Variants in EPHA3 observed in about 807,000 individuals in gnomAD.
EPHA3 encodes the protein ephrin type-A receptor 3.
EPHA3 carries 42 observed loss-of-function variants against 107.1 expected under a neutral mutation model. The observed-to-expected ratio is 0.39, with a 90% CI of 0.31 to 0.51. EPHA3 has a LOEUF of 0.51. EPHA3 is among the 20% of genes least tolerant of loss of function. The pLI is 0.78. For missense variants in EPHA3, 1,183 were observed against 1,211.2 expected, an observed-to-expected ratio of 0.98 and a Z score of 0.35; for synonymous variants, 461 against 424.8, an observed-to-expected ratio of 1.09 and a Z score of -1.05.
chr3:89,296,615 G>A (rs1451143570), intron 3 of EPHA3, among the ~76,000 whole-genome samples: 5 of 152,018 alleles, frequency 3.3e-5, no homozygotes, highest in South Asian at 2.1e-4. Context: ...AATTATTAAG[G>A]GCCCTTGGAT....
intron 10 of EPHA3, among the ~76,000 whole-genome samples, chr3:89,415,876 T>C (rs968847661): frequency 2.0e-5 from 3 of 151,532 alleles, no homozygotes; most frequent in African/African-American, 7.2e-5. Flanking sequence ...TAGACTTGTT[T>C]GGATCAAATG....
rs766652795 is a variant in EPHA3 at position 89,399,360 on chromosome 3, A to C, written c.1474A>C (p.Thr492Pro). The C allele has an allele frequency of 2.9e-5, 47 of 1,613,828 alleles. No individual in the cohort carries two copies. The highest frequency in any genetic ancestry group is 3.9e-5 in the Non-Finnish European group (46 of 1,179,880). The change falls in exon 7 of 17, where the codon ACA becomes CCA. Residue 492 changes from threonine to proline, a missense_variant. By Grantham distance (38) the Thr-to-Pro change is conservative (BLOSUM62 -1). Coordinates refer to ENST00000336596, the MANE Select transcript of EPHA3 (RefSeq NM_005233.6). ...TSYTILRARGTNVTISSLKPD... is the reference protein window; with the variant it reads ...TSYTILRARGPNVTISSLKPD... ...TTATACCATTCTGAGGGCAAGAGGC[A>C]CAAATGTTACCATCAGTAGCCTCAA...
chr3:89,329,479 A>G (rs1707243096), intron 3 of EPHA3, among the ~76,000 whole-genome samples: 1 of 152,122 alleles, frequency 6.6e-6, no homozygotes, highest in Non-Finnish European at 1.5e-5. Context: ...TAAGCAATCC[A>G]TCTTAATATT....
chr3:89,306,271 C>T (rs1453158678), intron 3 of EPHA3, among the ~76,000 whole-genome samples: 1 of 152,088 alleles, frequency 6.6e-6, no homozygotes, highest in Non-Finnish European at 1.5e-5. Flanking sequence ...CACCAGAATT[C>T]TAACTGAAGT....
In EPHA3 at chr3:89,417,761, T is replaced by C. The variant is rs180712084; in HGVS notation, c.1889-1444T>C. Among the ~76,000 whole-genome samples, 637 of 151,624 alleles carry C rather than the reference T, an allele frequency of 4.2e-3. 1 individual carries two copies. Among genetic ancestry groups the C allele is most frequent in the Non-Finnish European group, 6.2e-3 (420 of 67,644 alleles). Reference sequence around the variant, plus strand: ...TCAAAGGGAATAAACTAGTCCTGTCTTGTTTACCATTATATCTATCTCTGT... The same window carrying C: ...TCAAAGGGAATAAACTAGTCCTGTCCTGTTTACCATTATATCTATCTCTGT... On this transcript the variant is annotated intron_variant, in intron 10 of 16. Coordinates refer to ENST00000336596, the MANE Select transcript of EPHA3 (RefSeq NM_005233.6).
chr3:89,202,532 AAAATATATATAT>A (rs1705997684), intron 2 of EPHA3, among the ~76,000 whole-genome samples: 2 of 25,500 alleles, frequency 7.8e-5, no homozygotes, highest in South Asian at 1.4e-3. Context: ...AAAAAAAAAA[AAAATATATATAT>A]ATATATATAT....
intron 2 of EPHA3, among the ~76,000 whole-genome samples, chr3:89,134,103 A>G (rs1704260756): frequency 6.6e-6 from 1 of 151,702 alleles, no homozygotes; most frequent in African/African-American, 2.4e-5. Context: ...TTTGCTTCAA[A>G]TGCCGAACAA....
At chr3:89,300,795 T>A (rs1200600775) in intron 3 of EPHA3, among the ~76,000 whole-genome samples, 2 of 152,076 alleles carry the variant, frequency 1.3e-5, no homozygotes, top group African/African-American at 4.8e-5. Flanking sequence ...GTGAGGCCAA[T>A]TTTTAAAAAG....
At chr3:89,184,807 G>C (rs1001427186) in intron 2 of EPHA3, among the ~76,000 whole-genome samples, 4 of 152,082 alleles carry the variant, frequency 2.6e-5, no homozygotes, top group African/African-American at 9.6e-5. Context: ...GGAAAGATAG[G>C]GGACTTAGGA....
At chr3:89,424,813 A>T (rs75883716) in intron 11 of EPHA3, among the ~76,000 whole-genome samples, 5,247 of 151,560 alleles carry the variant, frequency 0.035, 139 homozygotes, top group South Asian at 0.06. Context: ...CATAATGGAC[A>T]GTAAATTAGT....
chr3:89,311,786 G>A (rs1351980254), intron 3 of EPHA3, among the ~76,000 whole-genome samples: 1 of 152,030 alleles, frequency 6.6e-6, no homozygotes, highest in Non-Finnish European at 1.5e-5. Flanking sequence ...TTGACCTCAA[G>A]CGTATGTTTC....
intron 1 of EPHA3, among the ~76,000 whole-genome samples, chr3:89,108,553 A>T (rs1353041650): frequency 6.6e-6 from 1 of 152,220 alleles, no homozygotes; most frequent in Non-Finnish European, 1.5e-5. Flanking sequence ...TCCTGGGAAG[A>T]TATAGTAAAT....
At chr3:89,443,781 G>T (rs1709828403) in intron 13 of EPHA3, among the ~76,000 whole-genome samples, 1 of 152,076 alleles carries the variant, frequency 6.6e-6, no homozygotes, top group South Asian at 2.1e-4. Context: ...CCCAGATTAG[G>T]CAGGATAATA....
chr3:89,309,565 G>A (rs548317008), intron 3 of EPHA3, among the ~76,000 whole-genome samples: 7 of 152,134 alleles, frequency 4.6e-5, no homozygotes, highest in South Asian at 4.1e-4. Context: ...AGGCACACAC[G>A]CTCACATCTA....
At chr3:89,169,606 T>C (rs1175648413) in intron 2 of EPHA3, among the ~76,000 whole-genome samples, 1 of 152,218 alleles carries the variant, frequency 6.6e-6, no homozygotes, top group East Asian at 1.9e-4. Context: ...CAGGTGACCA[T>C]ACAGTGTTTT....
chr3:89,282,744 T>C (rs920329771), intron 3 of EPHA3, among the ~76,000 whole-genome samples: 1 of 152,130 alleles, frequency 6.6e-6, no homozygotes, highest in African/African-American at 2.4e-5. Context: ...TATTGAATCA[T>C]GCGTGATCTG....
chr3:89,457,563 T>C (rs1268011819), intron 15 of EPHA3, among the ~76,000 whole-genome samples: 3 of 152,166 alleles, frequency 2.0e-5, no homozygotes, highest in Non-Finnish European at 4.4e-5. Flanking sequence ...CCCCCATTCG[T>C]GGAAAAATTG....
chr3:89,211,100 AT>A (rs558779898), intron 3 of EPHA3, among the ~76,000 whole-genome samples: 249 of 152,200 alleles, frequency 1.6e-3, no homozygotes, highest in Non-Finnish European at 2.4e-3. Flanking sequence ...TACAGGCATG[AT>A]TTTTAAGTGT....
intron 5 of EPHA3, among the ~76,000 whole-genome samples, chr3:89,379,907 T>C (rs1708467435): frequency 1.3e-5 from 2 of 152,178 alleles, no homozygotes; most frequent in South Asian, 4.1e-4. Context: ...TTTTCTGTTA[T>C]GGGAGGTCTG....
Sources: gnomAD v4.1 joint callset for allele counts (sites outside exome capture counted in the v4.1 genomes callset) on GRCh38, gnomAD v4.1.1 for gene constraint, MANE v1.5 for transcripts, NCBI Gene and HGNC (gene_info 2026-07-23, HGNC 2026-07-21) for gene names.